Variants in UNC5D observed in about 807,000 individuals in gnomAD.
UNC5D encodes unc-5 netrin receptor D, also known as netrin receptor UNC5D.
A neutral mutation model predicts 105.4 loss-of-function variants in UNC5D; 39 were observed. That is an observed-to-expected ratio of 0.37 (90% confidence interval 0.29 to 0.48). The LOEUF is 0.48. Among genes scored for constraint, UNC5D ranks in the 20% least tolerant of loss-of-function variants. The pLI, the probability that UNC5D is intolerant of heterozygous loss-of-function variation, is 0.98. For missense variants in UNC5D, 991 were observed against 1,202.4 expected (o/e 0.82, Z 2.60); for synonymous variants, 452 against 450.4 (o/e 1.00, Z -0.04).
At chr8:35,599,975 C>G (rs1478106923) in intron 4 of UNC5D, among the ~76,000 whole-genome samples, 1 of 152,068 alleles carries the variant, frequency 6.6e-6, no homozygotes, top group Non-Finnish European at 1.5e-5. Flanking sequence ...ACAACAGTCC[C>G]TGGTGTGTGA....
chr8:35,660,470 A>G (rs951975619), intron 4 of UNC5D, among the ~76,000 whole-genome samples: 10 of 152,224 alleles, frequency 6.6e-5, no homozygotes, highest in African/African-American at 2.4e-4. Context: ...ACTCCATTAA[A>G]GATCATTTTC....
intron 2 of UNC5D, 116 bp from the exon 3 acceptor site, chr8:35,567,982 C>T: frequency 6.9e-7 from 1 of 1,454,068 alleles, no homozygotes; most frequent in Non-Finnish European, 9.3e-7. Flanking sequence ...TAAAACCTTG[C>T]CTTGATTAAA....
At chr8:35,670,075 G>A (rs1305425473) in intron 4 of UNC5D, among the ~76,000 whole-genome samples, 1 of 152,096 alleles carries the variant, frequency 6.6e-6, no homozygotes, top group African/African-American at 2.4e-5. Flanking sequence ...AACACTGAAT[G>A]TTTCAATAGA....
chr8:35,250,828 C>A (rs574402670), intron 1 of UNC5D, among the ~76,000 whole-genome samples: 6 of 152,056 alleles, frequency 3.9e-5, no homozygotes, highest in Non-Finnish European at 7.4e-5. Context: ...CTCCTTCCCC[C>A]ACTCTAGTAG....
intron 3 of UNC5D, among the ~76,000 whole-genome samples, chr8:35,575,447 T>C (rs1213826197): frequency 6.6e-6 from 1 of 152,112 alleles, no homozygotes; most frequent in East Asian, 1.9e-4. Context: ...AACTTTGTCC[T>C]TTCTTGTTTG....
At chr8:35,348,982 T>C (rs1049145995) in intron 1 of UNC5D, among the ~76,000 whole-genome samples, 1 of 151,962 alleles carries the variant, frequency 6.6e-6, no homozygotes, top group Non-Finnish European at 1.5e-5. Flanking sequence ...CAAAAATAAC[T>C]TCTTAAAAAA....
intron 1 of UNC5D, among the ~76,000 whole-genome samples, chr8:35,464,092 C>T (rs1336174230): frequency 2.6e-5 from 4 of 152,162 alleles, no homozygotes; most frequent in Non-Finnish European, 5.9e-5. Flanking sequence ...TTTGGGAGGC[C>T]AAGGTGAGTG....
intron 7 of UNC5D, among the ~76,000 whole-genome samples, chr8:35,703,551 C>T (rs1168262447): frequency 6.6e-6 from 1 of 152,224 alleles, no homozygotes; most frequent in African/African-American, 2.4e-5. Flanking sequence ...GTCCATGGCC[C>T]TGGGCTTTTC....
chr8:35,247,334 T>C (rs1387797857), intron 1 of UNC5D, among the ~76,000 whole-genome samples: 4 of 150,694 alleles, frequency 2.7e-5, no homozygotes, highest in East Asian at 3.9e-4. Flanking sequence ...TGGATGCAGT[T>C]TGGTGTAGCA....
chr8:35,652,715 A>T (rs1032048118), intron 4 of UNC5D, among the ~76,000 whole-genome samples: 2 of 151,602 alleles, frequency 1.3e-5, no homozygotes, highest in Non-Finnish European at 2.9e-5. Context: ...AACATATTAG[A>T]TATTAAGTGT....
intron 7 of UNC5D, among the ~76,000 whole-genome samples, chr8:35,694,921 A>G (rs920053220): frequency 2.0e-5 from 3 of 152,324 alleles, no homozygotes; most frequent in East Asian, 3.9e-4. Context: ...TGTGGCAGAA[A>G]AAAAATGTTT....
At chr8:35,695,663 A>G (rs1001098086) in intron 7 of UNC5D, among the ~76,000 whole-genome samples, 5 of 152,094 alleles carry the variant, frequency 3.3e-5, no homozygotes, top group Non-Finnish European at 7.3e-5. Flanking sequence ...TCTCTCATTC[A>G]TAAGAAATAC....
intron 7 of UNC5D, 134 bp downstream of exon 7, chr8:35,686,843 A>G (rs1394531164): frequency 2.6e-6 from 3 of 1,165,112 alleles, no homozygotes; most frequent in Non-Finnish European, 3.5e-6. Context: ...AAAATAAATT[A>G]GGTAAAAAGT....
intron 1 of UNC5D, among the ~76,000 whole-genome samples, chr8:35,370,934 T>C (rs1450204948): frequency 1.3e-5 from 2 of 152,202 alleles, no homozygotes; most frequent in African/African-American, 4.8e-5. Flanking sequence ...TTTTAAAAAG[T>C]AGTTTAAAGC....
intron 4 of UNC5D, among the ~76,000 whole-genome samples, chr8:35,637,561 G>A (rs1248304289): frequency 2.6e-5 from 4 of 152,128 alleles, no homozygotes; most frequent in Non-Finnish European, 5.9e-5. Context: ...CCTCTCTAAT[G>A]GGTATGAGAG....
intron 11 of UNC5D, among the ~76,000 whole-genome samples, chr8:35,744,683 A>C (rs747932561): frequency 8.5e-5 from 13 of 152,236 alleles, no homozygotes; most frequent in Non-Finnish European, 1.9e-4. Flanking sequence ...CCTTTACAAC[A>C]AGTATTTTTG....
chr8:35,628,778 A>C (rs1821852920), intron 4 of UNC5D, among the ~76,000 whole-genome samples: 1 of 152,208 alleles, frequency 6.6e-6, no homozygotes, highest in Non-Finnish European at 1.5e-5. Flanking sequence ...AATGCTTATC[A>C]TGGTATGAGA....
chr8:35,706,736 C>T (rs1416330262), intron 8 of UNC5D, among the ~76,000 whole-genome samples: 2 of 152,108 alleles, frequency 1.3e-5, no homozygotes, highest in African/African-American at 4.8e-5. Context: ...AAAAATGTTT[C>T]TCAAAAGGTG....
chr8:35,791,114 C>CG lies in UNC5D; in HGVS notation c.*551_*552insG. On this transcript the variant is annotated 3_prime_UTR_variant, in exon 17 of 17. Coordinates refer to ENST00000404895, the MANE Select transcript of UNC5D (RefSeq NM_080872.4). ...AATTTAGAATCTGAGCACATCACAC[C>CG]AGCACCAGCTCCCTGTCTCTTCTAG... 5.9e-6 allele frequency: 1 copy of CG among 170,760 alleles called. No homozygotes were observed. The highest frequency in any genetic ancestry group is 1.4e-4 in the South Asian group (1 of 6,984). The allele number at this position is 170,760 out of a possible 1,614,324, so 10.6% of individuals were successfully genotyped here. A position where few individuals can be genotyped will look rare whatever the true frequency, so the allele number is the denominator to read the frequency against.
Sources: gnomAD v4.1 joint callset for allele counts (sites outside exome capture counted in the v4.1 genomes callset) on GRCh38, gnomAD v4.1.1 for gene constraint, MANE v1.5 for transcripts, NCBI Gene and HGNC (gene_info 2026-07-23, HGNC 2026-07-21) for gene names.